LHFPL3: variants seen among roughly 807,000 people sequenced by gnomAD.
LHFPL3 encodes the protein LHFPL tetraspan subfamily member 3.
LHFPL3 carries 5 observed loss-of-function variants against 19.3 expected under a neutral mutation model. The ratio of observed to expected loss-of-function variants is 0.26; its 90% CI spans 0.14 to 0.54. The LOEUF (loss-of-function observed/expected upper bound fraction) is 0.54. Ranked by LOEUF, LHFPL3 falls within the 20% of genes least tolerant of loss-of-function variation. The pLI is 0.94. For missense variants in LHFPL3, 249 were observed against 307.4 expected (o/e 0.81, Z 1.42); for synonymous variants, 133 against 126.2 (o/e 1.05, Z -0.36).
intron 2 of LHFPL3, among the ~76,000 whole-genome samples, chr7:104,739,786 G>A (rs1793898219): frequency 6.6e-6 from 1 of 152,176 alleles, no homozygotes. Flanking sequence ...CATGGAAGAA[G>A]GCAATGTCAT....
intron 1 of LHFPL3, among the ~76,000 whole-genome samples, chr7:104,563,336 T>C (rs1189207726): frequency 1.3e-5 from 2 of 152,302 alleles, no homozygotes; most frequent in African/African-American, 4.8e-5. Context: ...TCAGCGAGAC[T>C]CCGTGGGCGT....
At chr7:104,507,600 T>A (rs1440585943) in intron 1 of LHFPL3, among the ~76,000 whole-genome samples, 1 of 96,014 alleles carries the variant, frequency 1.0e-5, no homozygotes, top group African/African-American at 3.7e-5. Context: ...AAGCCAAAAT[T>A]GACAAATGGG....
chr7:104,592,887 T>C (rs754569709), intron 1 of LHFPL3, among the ~76,000 whole-genome samples: 1 of 152,146 alleles, frequency 6.6e-6, no homozygotes, highest in Non-Finnish European at 1.5e-5. Context: ...CTCCATGGGC[T>C]TAGGACCCTC....
chr7:104,640,260 C>T (rs1736767695), intron 1 of LHFPL3, among the ~76,000 whole-genome samples: 1 of 152,114 alleles, frequency 6.6e-6, no homozygotes, highest in Admixed American at 6.6e-5. Context: ...TGTCCTAATG[C>T]TCTCCCTCCC....
rs565332990 is a variant in LHFPL3 at position 104,333,018 on chromosome 7, C to A, written c.445+3794C>A. 1.1e-4 allele frequency among the ~76,000 whole-genome samples: 16 copies of A among 150,872 alleles called. 1 individual carries two copies. Among genetic ancestry groups the A allele is most frequent in the African/African-American group, 3.9e-4 (16 of 41,190 alleles). On this transcript the variant is annotated intron_variant, in intron 1 of 2. Coordinates refer to ENST00000424859, the MANE Select transcript of LHFPL3 (RefSeq NM_199000.3). The stretch of plus-strand genomic sequence containing the variant: ...GGAAAAGAGTAGATTTGTAATTGGT[C>A]AAGCAGGGTAATAAAGTCCAGATTT...
intron 1 of LHFPL3, among the ~76,000 whole-genome samples, chr7:104,509,826 G>A (rs565192135): frequency 1.3e-3 from 195 of 152,016 alleles, no homozygotes; most frequent in African/African-American, 4.3e-3. Context: ...AGGATGTGAC[G>A]ATCTATGTAG....
chr7:104,386,783 G>T (rs1449960777), intron 1 of LHFPL3, among the ~76,000 whole-genome samples: 1 of 152,020 alleles, frequency 6.6e-6, no homozygotes, highest in Non-Finnish European at 1.5e-5. Context: ...ATTTCCATGG[G>T]TGTAAATAAC....
At chr7:104,798,526 A>G (rs1171124426) in intron 2 of LHFPL3, 3 of 152,348 alleles carry the variant, frequency 2.0e-5, no homozygotes, top group South Asian at 4.1e-4. Context: ...AACTACACCT[A>G]TGCAATGTTT....
At chr7:104,584,545 C>G (rs1054992438) in intron 1 of LHFPL3, among the ~76,000 whole-genome samples, 1 of 151,950 alleles carries the variant, frequency 6.6e-6, no homozygotes, top group Admixed American at 6.6e-5. Context: ...ATACCATTTC[C>G]TAGAAATTAA....
At chr7:104,815,362 G>C (rs1019561866) in intron 2 of LHFPL3, among the ~76,000 whole-genome samples, 1 of 152,204 alleles carries the variant, frequency 6.6e-6, no homozygotes, top group Non-Finnish European at 1.5e-5. Context: ...TGGCTGGGGA[G>C]GGACATGTGG....
chr7:104,508,935 C>CT (rs1224607713), intron 1 of LHFPL3, among the ~76,000 whole-genome samples: 1 of 151,760 alleles, frequency 6.6e-6, no homozygotes, highest in East Asian at 1.9e-4. Context: ...AACACAAGCC[C>CT]TGCAGACATT....
chr7:104,860,183 CACACACA>C (rs1791592697), intron 2 of LHFPL3, among the ~76,000 whole-genome samples: 1 of 141,916 alleles, frequency 7.0e-6, no homozygotes, highest in Non-Finnish European at 1.5e-5. Flanking sequence ...CCCACCCACA[CACACACA>C]CACACACACA....
intron 1 of LHFPL3, among the ~76,000 whole-genome samples, chr7:104,684,835 A>G (rs1022572662): frequency 3.3e-5 from 5 of 152,196 alleles, no homozygotes; most frequent in Admixed American, 2.0e-4. Flanking sequence ...CACTGCTTAG[A>G]CAATCTTTAT....
intron 1 of LHFPL3, among the ~76,000 whole-genome samples, chr7:104,354,122 T>C (rs1351735301): frequency 6.6e-6 from 1 of 152,236 alleles, no homozygotes; most frequent in Non-Finnish European, 1.5e-5. Flanking sequence ...CTGCTATAGA[T>C]TTATTTCTCT....
intron 2 of LHFPL3, among the ~76,000 whole-genome samples, chr7:104,816,425 C>T (rs1237610993): frequency 6.6e-6 from 1 of 152,136 alleles, no homozygotes; most frequent in Non-Finnish European, 1.5e-5. Flanking sequence ...ATGCATTTAC[C>T]AAAGATAATC....
At chr7:104,574,007 G>A (rs924733885) in intron 1 of LHFPL3, among the ~76,000 whole-genome samples, 8 of 152,220 alleles carry the variant, frequency 5.3e-5, no homozygotes, top group Non-Finnish European at 1.2e-4. Context: ...GGAGATTATT[G>A]TGCTGCAGCT....
intron 1 of LHFPL3, among the ~76,000 whole-genome samples, chr7:104,416,995 C>T (rs2116523967): frequency 6.6e-6 from 1 of 152,308 alleles, no homozygotes; most frequent in Non-Finnish European, 1.5e-5. Flanking sequence ...CAGACAGATA[C>T]CTGGTGGCCG....
intron 2 of LHFPL3, among the ~76,000 whole-genome samples, chr7:104,875,518 G>A (rs925533043): frequency 1.3e-5 from 2 of 152,128 alleles, no homozygotes; most frequent in Non-Finnish European, 2.9e-5. Context: ...CTTGACTGAC[G>A]ATAGTGTTAC....
At chr7:104,668,420 T>C (rs1248729137) in intron 1 of LHFPL3, 2 of 1,604,936 alleles carry the variant, frequency 1.2e-6, no homozygotes, top group Non-Finnish European at 8.5e-7. Flanking sequence ...GAGACAAGTA[T>C]CGAGATCGTT....
Sources: gnomAD v4.1 joint callset for allele counts (sites outside exome capture counted in the v4.1 genomes callset) on GRCh38, gnomAD v4.1.1 for gene constraint, MANE v1.5 for transcripts, NCBI Gene and HGNC (gene_info 2026-07-23, HGNC 2026-07-21) for gene names.